UFD1: variants seen among roughly 807,000 people sequenced by gnomAD.
The protein encoded by UFD1 is ubiquitin recognition factor in ER associated degradation 1.
In UFD1, 13 loss-of-function variants were observed where a neutral mutation model predicts 45.9. The ratio of observed to expected loss-of-function variants is 0.28; its 90% CI spans 0.18 to 0.45. The LOEUF (loss-of-function observed/expected upper bound fraction) is 0.45, where lower values mean the gene tolerates loss of function less well. Ranked by LOEUF, UFD1 falls within the 20% of genes least tolerant of loss-of-function variation. The pLI, the probability that UFD1 is intolerant of heterozygous loss-of-function variation, is 1.00. For synonymous variants in UFD1, 128 were observed against 139.2 expected (o/e 0.92, Z 0.56); for missense variants, 218 against 389.2 (o/e 0.56, Z 3.70).
intron 4 of UFD1, 138 bp from the exon 5 acceptor site, chr22:19,468,141 A>G (rs912402656): frequency 2.6e-5 from 32 of 1,217,348 alleles, no homozygotes; most frequent in Non-Finnish European, 3.6e-5. Context: ...AATTCGTGAT[A>G]CTATGTCAGG....
intron 11 of UFD1, chr22:19,451,515 C>T: frequency 1.0e-6 from 1 of 985,378 alleles, no homozygotes; most frequent in East Asian, 1.1e-4. Flanking sequence ...TTTTCCCAAA[C>T]CTTTGAAAAC....
chr22:19,454,420 G>A (rs905703291), intron 11 of UFD1: 60 of 752,924 alleles, frequency 8.0e-5, no homozygotes, highest in African/African-American at 1.4e-4. Flanking sequence ...GGTCTTTTCC[G>A]TGCTGTTATC....
Position 19,456,633 on chromosome 22 carries a change from T to C in UFD1, c.632A>G (p.Glu211Gly). ...ERQVQHEESTEGEADHSGYAG... is the reference protein window; with the variant it reads ...ERQVQHEESTGGEADHSGYAG... ...ATAGCCACTGTGGTCGGCTTCACCT[T>C]CCTGACAGGGAAAAAGAAAAACAGG... Residue 211 changes from glutamate to glycine, a missense_variant and splice_region_variant, in exon 9 of 12, where the codon GAA becomes GGA. Physicochemically the swap from Glu to Gly is moderately conservative, Grantham distance 98. Transcript: ENST00000263202. 6.2e-7 allele frequency: 1 copy of C among 1,614,092 alleles called. No homozygotes were observed. The highest frequency in any genetic ancestry group is 8.5e-7 in the Non-Finnish European group (1 of 1,180,016).
chr22:19,475,672 T>A lies in UFD1; in HGVS notation c.4-70A>T, dbSNP rs1003704832. On this transcript the variant is annotated intron_variant, in intron 1 of 11. Transcript: ENST00000263202. ...TCTTCATGTCAAAAGCCAAAACATG[T>A]CAGAGTAATTAATGCTACTAAACAT... The A allele has an allele frequency of 8.4e-6, 13 of 1,540,524 alleles. No homozygotes were observed. In the Admixed American group the frequency reaches 2.0e-4, roughly 24 times the overall value.
At chr22:19,472,194 G>A (rs1207682740) in intron 3 of UFD1, among the ~76,000 whole-genome samples, 1 of 152,226 alleles carries the variant, frequency 6.6e-6, no homozygotes, top group Non-Finnish European at 1.5e-5. Flanking sequence ...AGAGCTGGCA[G>A]GAGGGGGCAG....
intron 4 of UFD1, chr22:19,470,046 C>T: frequency 1.9e-6 from 1 of 516,580 alleles, no homozygotes; most frequent in Non-Finnish European, 3.9e-6. Flanking sequence ...ACTTCAGCTA[C>T]CTAGAGTGGC....
At chr22:19,465,152 G>A (rs1165536745) in intron 6 of UFD1, 50 bp downstream of exon 6, 1 of 1,544,172 alleles carries the variant, frequency 6.5e-7, no homozygotes, top group Non-Finnish European at 9.0e-7. Context: ...CATTAGAATG[G>A]ACACTGCAGG....
At chr22:19,460,892 T>A (rs542287241) in intron 6 of UFD1, among the ~76,000 whole-genome samples, 2 of 152,074 alleles carry the variant, frequency 1.3e-5, no homozygotes, top group African/African-American at 4.8e-5. Flanking sequence ...ACTAGGCACA[T>A]GCCACTACGC....
intron 3 of UFD1, among the ~76,000 whole-genome samples, chr22:19,474,036 T>C (rs573914844): frequency 6.6e-6 from 1 of 152,244 alleles, no homozygotes; most frequent in South Asian, 2.1e-4. Context: ...TCTGTGCCTG[T>C]GTAGTATGGG....
chr22:19,460,037 A>C (rs939459373), intron 6 of UFD1, among the ~76,000 whole-genome samples: 1 of 151,972 alleles, frequency 6.6e-6, no homozygotes, highest in Non-Finnish European at 1.5e-5. Flanking sequence ...ATGCCCGGCC[A>C]GTATGTCTTG....
intron 1 of UFD1, among the ~76,000 whole-genome samples, chr22:19,476,775 G>A (rs1360985617): frequency 6.6e-6 from 1 of 152,054 alleles, no homozygotes; most frequent in African/African-American, 2.4e-5. Flanking sequence ...GGGAGGCAGA[G>A]GCAGGTGGAT....
At chr22:19,478,867 A>T (rs1195978656) in intron 1 of UFD1, 1 of 583,898 alleles carries the variant, frequency 1.7e-6, no homozygotes, top group Non-Finnish European at 2.9e-6. Context: ...GCTGAGACAG[A>T]ATGCGAGCCA....
In UFD1 at chr22:19,456,919, CTG is replaced by C; in HGVS notation, c.565-3_565-2del. 1 of 1,582,430 alleles carries C rather than the reference CTG, an allele frequency of 6.3e-7. No homozygotes were observed. Among genetic ancestry groups the C allele is most frequent in the Non-Finnish European group, 8.6e-7 (1 of 1,159,900 alleles). On this transcript the variant is annotated splice_acceptor_variant and splice_polypyrimidine_tract_variant and intron_variant, in intron 7 of 11. Coordinates refer to ENST00000263202, the MANE Select transcript of UFD1 (RefSeq NM_005659.7). LOFTEE classifies it high-confidence loss of function. ...AGCCCAGGGGAGCATCAAAGTCCAC[CTG>C]TGTTTCCAGGATTTTAAAAGTAAAA...
chr22:19,478,213 A>G (rs1345809120), intron 1 of UFD1, among the ~76,000 whole-genome samples: 1 of 152,176 alleles, frequency 6.6e-6, no homozygotes, highest in Non-Finnish European at 1.5e-5. Context: ...GAGACCTAGC[A>G]CACTGCCTGG....
rs1261425159 is a variant in UFD1, at chr22:19,475,575, T to C, written c.31A>G (p.Ile11Val). The C allele has an allele frequency of 6.2e-7, 1 of 1,614,096 alleles. No individual in the cohort carries two copies. Among genetic ancestry groups the C allele is most frequent in the South Asian group, 1.1e-5 (1 of 91,082 alleles). The part of the protein sequence containing the change: MFSFNMFDHP[I>V]PRVFQNRFST... ...AAGCGGTTTTGGAAGACCCTGGGAA[T>C]AGGGTGGTCGAACATGTTGAAAGAG... Residue 11 changes from isoleucine (I) to valine (V), a missense_variant, in exon 2 of 12, where the codon ATT becomes GTT. Around this residue, in one of 2 missense-constraint regions of UFD1, gnomAD observed 149 missense variants for 307.5 expected, o/e 0.48. Transcript: ENST00000263202.
chr22:19,454,614 T>C (rs1601886356), intron 11 of UFD1, 135 bp downstream of exon 11: 1 of 1,528,796 alleles, frequency 6.5e-7, no homozygotes, highest in Middle Eastern at 1.7e-4. Flanking sequence ...AATTGCCCAG[T>C]CTCGGGTACA....
intron 11 of UFD1, chr22:19,451,914 TG>T (rs1215425039): frequency 1.0e-6 from 1 of 985,352 alleles, no homozygotes; most frequent in Non-Finnish European, 1.2e-6. Flanking sequence ...TACATGTTAG[TG>T]GGGGCTCCTT....
intron 4 of UFD1, chr22:19,470,176 G>C: frequency 2.3e-6 from 1 of 436,624 alleles, no homozygotes; most frequent in South Asian, 1.6e-5. Flanking sequence ...GGGCAGGTGA[G>C]CCAATCTGGG....
intron 6 of UFD1, among the ~76,000 whole-genome samples, chr22:19,461,498 C>T (rs141652048): frequency 1.3e-5 from 2 of 152,222 alleles, no homozygotes; most frequent in African/African-American, 4.8e-5. Flanking sequence ...ACTCAGCTGC[C>T]GTATAGAATC....
Sources: gnomAD v4.1 joint callset for allele counts (sites outside exome capture counted in the v4.1 genomes callset) on GRCh38, gnomAD v4.1.1 for gene constraint, gnomAD v4.1.1 regional missense constraint, MANE v1.5 for transcripts, NCBI Gene and HGNC (gene_info 2026-07-23, HGNC 2026-07-21) for gene names.